Variants in PCDH17 observed in about 807,000 individuals in gnomAD.
The protein encoded by PCDH17 is protocadherin-17.
A neutral mutation model predicts 67.7 loss-of-function variants in PCDH17; 21 were observed. That is an observed-to-expected ratio of 0.31 (90% CI 0.22 to 0.45). The LOEUF (loss-of-function observed/expected upper bound fraction) is 0.45. PCDH17 is among the 20% of genes least tolerant of loss of function. The pLI, the probability that PCDH17 is intolerant of heterozygous loss-of-function variation, is 1.00. For synonymous variants in PCDH17, 701 were observed against 656.7 expected (o/e 1.07, Z -1.03); for missense variants, 1,471 against 1,564.8 (o/e 0.94, Z 1.01).
chr13:57,657,561 C>T (rs908554103), intron 1 of PCDH17, among the ~76,000 whole-genome samples: 1 of 152,148 alleles, frequency 6.6e-6, no homozygotes, highest in Non-Finnish European at 1.5e-5. Flanking sequence ...CTATCAGAAG[C>T]AATGTCGGTA....
rs1566251420 is a variant in PCDH17 at position 57,727,560 on chromosome 13, C to G, written c.*2266C>G. The G allele has an allele frequency of 6.6e-6, 1 of 152,214 alleles. No individual in the cohort carries two copies. Among genetic ancestry groups the G allele is most frequent in the East Asian group, 1.9e-4 (1 of 5,190 alleles). 9.4% of individuals were successfully genotyped at this position (152,214 alleles called of 1,614,324 possible). A position where few individuals can be genotyped will look rare whatever the true frequency, so the allele number is the denominator to read the frequency against. On this transcript the variant is annotated 3_prime_UTR_variant, in exon 4 of 4. Transcript: ENST00000377918. The stretch of plus-strand genomic sequence containing the variant: ...CCCATCAGCCTTATTCTCTTGAGAA[C>G]TATATTTTGGTTCCTAGTAACAGCC...
In PCDH17 at chr13:57,724,964, A is replaced by T; in HGVS notation, c.3150A>T (p.Thr1050=). 1 of 1,614,156 alleles carries T rather than the reference A, an allele frequency of 6.2e-7. No individual in the cohort carries two copies. The highest frequency in any genetic ancestry group is 8.5e-7 in the Non-Finnish European group (1 of 1,180,016). ...TKACIEPCTS[T]KGSLDGCEAK... ...CGTGCATCGAGCCTTGCACCTCAAC[A>T]AAAGGCTCCCTGGATGGCTGTGAAG... is the stretch of plus-strand genomic sequence containing the variant. The change falls in exon 4 of 4, where the codon ACA becomes ACT. Residue 1050 remains threonine, a synonymous_variant. Coordinates refer to ENST00000377918, the MANE Select transcript of PCDH17 (RefSeq NM_001040429.3).
intron 1 of PCDH17, among the ~76,000 whole-genome samples, chr13:57,663,522 T>G (rs747511967): frequency 6.6e-6 from 1 of 152,160 alleles, no homozygotes; most frequent in Non-Finnish European, 1.5e-5. Context: ...GCAAATACTG[T>G]TATTTTATAT....
chr13:57,667,223 A>G (rs1265406357), intron 3 of PCDH17, among the ~76,000 whole-genome samples: 6 of 152,144 alleles, frequency 3.9e-5, no homozygotes, highest in Admixed American at 2.6e-4. Context: ...ATAAAATGAA[A>G]TCATTGGAAT....
chr13:57,725,300 G>GAAA lies in PCDH17; in HGVS notation c.*15_*17dup, dbSNP rs5803842. ...CTGTGGCTGTGAGAAAGTGAAAAAA[G>GAAA]AAAAAAAAAAAGGCATTGGCATTTT... On this transcript the variant is annotated 3_prime_UTR_variant, in exon 4 of 4. Transcript: ENST00000377918. The GAAA allele has an allele frequency of 8.5e-5, 117 of 1,381,586 alleles. No homozygotes were observed. The highest frequency in any genetic ancestry group is 9.6e-5 in the Non-Finnish European group (98 of 1,022,916). The allele number at this position is 1,381,586 out of a possible 1,614,324, so 85.6% of individuals were successfully genotyped here.
intron 3 of PCDH17, 143 bp downstream of exon 3, chr13:57,666,976 G>C: frequency 1.6e-6 from 1 of 610,596 alleles, no homozygotes; most frequent in Non-Finnish European, 2.4e-6. Context: ...GGTTGCCCCA[G>C]AAAAAAAGCA....
intron 3 of PCDH17, among the ~76,000 whole-genome samples, chr13:57,703,314 G>A (rs527534309): frequency 2.8e-4 from 43 of 152,116 alleles, no homozygotes; most frequent in African/African-American, 1.0e-3. Context: ...AGATAATTTG[G>A]GGTGCATAAA....
chr13:57,655,556 G>A (rs1955091972), intron 1 of PCDH17, among the ~76,000 whole-genome samples: 1 of 151,904 alleles, frequency 6.6e-6, no homozygotes, highest in South Asian at 2.1e-4. Flanking sequence ...ATTTAAAAAG[G>A]TAGGTATTCA....
At chr13:57,670,141 A>G (rs1261612009) in intron 3 of PCDH17, among the ~76,000 whole-genome samples, 1 of 152,040 alleles carries the variant, frequency 6.6e-6, no homozygotes, top group Non-Finnish European at 1.5e-5. Flanking sequence ...ACAATGTTTT[A>G]TGCTATTCAC....
At chr13:57,663,147 C>A (rs1566226477) in intron 1 of PCDH17, among the ~76,000 whole-genome samples, 1 of 151,914 alleles carries the variant, frequency 6.6e-6, no homozygotes, top group East Asian at 1.9e-4. Flanking sequence ...AGCTACCCAC[C>A]AATTGTAGGT....
At chr13:57,720,550 CT>C (rs1246604667) in intron 3 of PCDH17, among the ~76,000 whole-genome samples, 2 of 151,540 alleles carry the variant, frequency 1.3e-5, no homozygotes, top group East Asian at 1.9e-4. Flanking sequence ...TTATGTACCC[CT>C]GATATTATGA....
At chr13:57,649,195 C>T (rs1371641872) in intron 1 of PCDH17, among the ~76,000 whole-genome samples, 1 of 152,060 alleles carries the variant, frequency 6.6e-6, no homozygotes, top group Non-Finnish European at 1.5e-5. Context: ...AAGTATGAAG[C>T]TGATTATTTT....
At chr13:57,701,780 T>C (rs747447874) in intron 3 of PCDH17, among the ~76,000 whole-genome samples, 1 of 152,168 alleles carries the variant, frequency 6.6e-6, no homozygotes, top group Non-Finnish European at 1.5e-5. Context: ...TTTATAACAT[T>C]TTTGCTTCAA....
Position 57,633,083 on chromosome 13 carries a change from T to G in PCDH17, c.537T>G (p.Phe179Leu), listed in dbSNP as rs902791589. Residue 179 changes from phenylalanine (F) to leucine (L), a missense_variant, in exon 1 of 4, where the codon TTT becomes TTG. By Grantham distance (22) the Phe-to-Leu change is conservative. Around this residue, in one of 3 missense-constraint regions of PCDH17, gnomAD observed 1,163 missense variants for 1,230.0 expected, o/e 0.95. Coordinates refer to ENST00000377918, the MANE Select transcript of PCDH17 (RefSeq NM_001040429.3). This position sits in a 1 kb window ranked among gnomAD's most constrained non-coding sequence, Gnocchi z 6.2. ...YLLTRDDHGL[F>L]GLDVKSRGDG... ...TCACGCGCGACGATCACGGCCTCTT[T>G]GGACTGGACGTTAAGTCCCGCGGCG... 3 of 1,613,284 alleles carry G rather than the reference T, an allele frequency of 1.9e-6. No homozygotes were observed. The African/African-American group carries it at 4.0e-5, about 22-fold the overall frequency.
intron 3 of PCDH17, among the ~76,000 whole-genome samples, chr13:57,722,516 A>G (rs1177049540): frequency 1.3e-5 from 2 of 152,224 alleles, no homozygotes; most frequent in Non-Finnish European, 2.9e-5. Context: ...ACTGACAGAT[A>G]TAAATAAAGG....
At position 57,634,344 on chromosome 13, in the gene PCDH17, A is replaced by T. The variant is rs892652028; in HGVS notation, c.1798A>T (p.Asn600Tyr). Reference protein sequence around the residue: ...NDTAELQVPRNAGLGYLVSTV... With the variant: ...NDTAELQVPRYAGLGYLVSTV... ...CACCGCGGAGCTGCAGGTGCCGCGC[A>T]ACGCTGGCCTGGGCTATCTGGTGAG... is the stretch of plus-strand genomic sequence containing the variant. Residue 600 changes from asparagine (N) to tyrosine (Y), a missense_variant, in exon 1 of 4, where the codon AAC (asparagine) becomes TAC (tyrosine). Around this residue, in one of 3 missense-constraint regions of PCDH17, gnomAD observed 1,163 missense variants for 1,230.0 expected, o/e 0.95. Coordinates refer to ENST00000377918, the MANE Select transcript of PCDH17 (RefSeq NM_001040429.3). The surrounding 1 kb of genome is among the most constrained non-coding windows in gnomAD (Gnocchi z 7.8). The T allele has an allele frequency of 1.2e-6, 2 of 1,612,712 alleles. No homozygotes were observed. Among genetic ancestry groups the T allele is most frequent in the Non-Finnish European group, 1.7e-6 (2 of 1,179,972 alleles).
At chr13:57,712,150 A>C (rs1408248221) in intron 3 of PCDH17, among the ~76,000 whole-genome samples, 1 of 151,722 alleles carries the variant, frequency 6.6e-6, no homozygotes, top group African/African-American at 2.4e-5. Context: ...GTTACTGGAA[A>C]TTTGTCAAAT....
intron 3 of PCDH17, among the ~76,000 whole-genome samples, chr13:57,695,366 T>C (rs73519492): frequency 0.013 from 1,987 of 151,006 alleles, 35 homozygotes; most frequent in African/African-American, 0.045. Flanking sequence ...TGCTGCCAAA[T>C]TGGAGTTTTC....
chr13:57,688,940 G>A (rs1216452244), intron 3 of PCDH17, among the ~76,000 whole-genome samples: 2 of 151,980 alleles, frequency 1.3e-5, no homozygotes, highest in Non-Finnish European at 2.9e-5. Flanking sequence ...CACCATTGTA[G>A]CATTGGCATC....
Sources: allele counts gnomAD v4.1 joint callset (sites outside exome capture counted in the v4.1 genomes callset), GRCh38; gene constraint gnomAD v4.1.1; regional missense constraint gnomAD v4.1.1; non-coding constraint Gnocchi (gnomAD v3.1); transcripts MANE v1.5; gene names NCBI Gene and HGNC (gene_info 2026-07-23, HGNC 2026-07-21).